TMEM150C: variants seen among roughly 807,000 people sequenced by gnomAD.
The protein encoded by TMEM150C is tentonin 3.
TMEM150C carries 10 observed loss-of-function variants against 29.9 expected under a neutral mutation model. The observed-to-expected ratio is 0.33, with a 90% CI of 0.21 to 0.57. TMEM150C has a LOEUF of 0.57. TMEM150C is among the 20% of genes least tolerant of loss of function. The pLI is 0.88. For synonymous variants in TMEM150C, 101 were observed against 112.5 expected, an observed-to-expected ratio of 0.90 and a Z score of 0.64; for missense variants, 251 against 303.6, an observed-to-expected ratio of 0.83 and a Z score of 1.29.
At chr4:82,519,434 C>CT (rs1462436382) in intron 1 of TMEM150C, among the ~76,000 whole-genome samples, 2 of 146,762 alleles carry the variant, frequency 1.4e-5, no homozygotes, top group African/African-American at 2.6e-5. Context: ...TTCTTTCTTT[C>CT]TTTTTTTTTA....
At chr4:82,496,222 G>A in intron 5 of TMEM150C, 27 bp from the exon 6 acceptor site, 1 of 1,606,514 alleles carries the variant, frequency 6.2e-7, no homozygotes, top group Non-Finnish European at 8.5e-7. Flanking sequence ...GTCTTAAAAT[G>A]GAAGAAATTA....
intron 1 of TMEM150C, among the ~76,000 whole-genome samples, chr4:82,521,873 G>A (rs1406638505): frequency 6.6e-6 from 1 of 152,086 alleles, no homozygotes; most frequent in African/African-American, 2.4e-5. Flanking sequence ...ACTTATTAGT[G>A]ATAAAGTGAA....
intron 1 of TMEM150C, among the ~76,000 whole-genome samples, chr4:82,549,393 C>T (rs1004387037): frequency 6.6e-6 from 1 of 152,096 alleles, no homozygotes; most frequent in African/African-American, 2.4e-5. Context: ...TATGATTCCA[C>T]TTATATGAGG....
At chr4:82,504,756 C>A in intron 1 of TMEM150C, 89 bp from the exon 2 acceptor site, 2 of 1,126,746 alleles carry the variant, frequency 1.8e-6, no homozygotes, top group Non-Finnish European at 2.6e-6. Flanking sequence ...CTGGGCCAAG[C>A]ACGGTGGCTT....
At chr4:82,489,346 C>T (rs1560478524) in intron 7 of TMEM150C, among the ~76,000 whole-genome samples, 2 of 152,056 alleles carry the variant, frequency 1.3e-5, no homozygotes, top group African/African-American at 4.8e-5. Flanking sequence ...CTCTCCTCTG[C>T]CTTTCCCTGG....
intron 1 of TMEM150C, among the ~76,000 whole-genome samples, chr4:82,548,523 C>A (rs1173326382): frequency 6.6e-6 from 1 of 152,140 alleles, no homozygotes; most frequent in African/African-American, 2.4e-5. Flanking sequence ...CATTGCCTTT[C>A]TGAGCATGCT....
chr4:82,527,430 C>A (rs1457767410), intron 1 of TMEM150C, among the ~76,000 whole-genome samples: 1 of 152,174 alleles, frequency 6.6e-6, no homozygotes, highest in African/African-American at 2.4e-5. Context: ...ACTGCTCCCC[C>A]TTCCTCTAGA....
intron 1 of TMEM150C, among the ~76,000 whole-genome samples, chr4:82,534,827 G>A (rs1391093163): frequency 2.6e-5 from 4 of 152,152 alleles, no homozygotes; most frequent in African/African-American, 9.7e-5. Context: ...CCTAGAATGA[G>A]AGCCATGAAG....
intron 1 of TMEM150C, among the ~76,000 whole-genome samples, chr4:82,539,773 T>G (rs960814753): frequency 6.6e-6 from 1 of 151,884 alleles, no homozygotes; most frequent in Non-Finnish European, 1.5e-5. Flanking sequence ...ATATACAGAA[T>G]AAAAATGGAA....
intron 1 of TMEM150C, among the ~76,000 whole-genome samples, chr4:82,552,054 C>T (rs903473964): frequency 6.6e-6 from 1 of 152,078 alleles, no homozygotes; most frequent in Non-Finnish European, 1.5e-5. Context: ...CCCTCCCTCC[C>T]TTCTCTCTGG....
chr4:82,504,922 T>A (rs1046710289), intron 1 of TMEM150C, among the ~76,000 whole-genome samples: 1 of 152,012 alleles, frequency 6.6e-6, no homozygotes, highest in Non-Finnish European at 1.5e-5. Context: ...CCCAGCTACT[T>A]GGGAGGCTGA....
At chr4:82,561,700 G>T (rs1725938203) in intron 1 of TMEM150C, among the ~76,000 whole-genome samples, 1 of 147,252 alleles carries the variant, frequency 6.8e-6, no homozygotes, top group South Asian at 2.1e-4. Context: ...GCCCGCGGAG[G>T]GCTCGGGCGG....
chr4:82,523,528 G>A (rs1338488784), intron 1 of TMEM150C, among the ~76,000 whole-genome samples: 3 of 152,142 alleles, frequency 2.0e-5, no homozygotes, highest in African/African-American at 7.2e-5. Flanking sequence ...GCCATTTTGG[G>A]TGGACCCAGT....
At chr4:82,548,990 A>C (rs1725474669) in intron 1 of TMEM150C, among the ~76,000 whole-genome samples, 1 of 152,228 alleles carries the variant, frequency 6.6e-6, no homozygotes, top group Non-Finnish European at 1.5e-5. Flanking sequence ...ATTGCAGCCA[A>C]TGATTTGGCT....
intron 1 of TMEM150C, among the ~76,000 whole-genome samples, chr4:82,507,425 T>C (rs1723961811): frequency 6.6e-6 from 1 of 152,188 alleles, no homozygotes; most frequent in South Asian, 2.1e-4. Context: ...ACAATAGCTT[T>C]ATATACTAAT....
intron 1 of TMEM150C, among the ~76,000 whole-genome samples, chr4:82,546,224 GA>G (rs1725381858): frequency 6.6e-6 from 1 of 152,078 alleles, no homozygotes. Context: ...CACAGAACTA[GA>G]AAAAACCTAT....
intron 1 of TMEM150C, among the ~76,000 whole-genome samples, chr4:82,515,461 G>A (rs190148224): frequency 1.3e-3 from 202 of 152,164 alleles, no homozygotes; most frequent in Admixed American, 3.5e-3. Flanking sequence ...TCTCTTGGCC[G>A]GGCGCGGTGG....
At chr4:82,540,168 C>G (rs1170177036) in intron 1 of TMEM150C, among the ~76,000 whole-genome samples, 1 of 87,818 alleles carries the variant, frequency 1.1e-5, no homozygotes, top group Non-Finnish European at 2.2e-5. Flanking sequence ...CAAGGTCTTG[C>G]TCTGTTGTCA....
intron 1 of TMEM150C, among the ~76,000 whole-genome samples, chr4:82,530,105 T>TAG (rs1215361548): frequency 0.044 from 6,551 of 149,018 alleles, 482 homozygotes; most frequent in African/African-American, 0.15. Context: ...TCTCTCTCTC[T>TAG]AGAGAGAGAG....
Sources: allele counts gnomAD v4.1 joint callset (sites outside exome capture counted in the v4.1 genomes callset), GRCh38; gene constraint gnomAD v4.1.1; transcripts MANE v1.5; gene names NCBI Gene and HGNC (gene_info 2026-07-23, HGNC 2026-07-21).